The following CSMD1 variants were observed in gnomAD, a reference collection of about 807,000 sequenced individuals.
CSMD1 encodes CUB and sushi domain-containing protein 1.
In CSMD1, 213 loss-of-function variants were observed where a neutral mutation model predicts 417.5. The ratio of observed to expected loss-of-function variants is 0.51; its 90% CI spans 0.46 to 0.57. CSMD1 has a LOEUF of 0.57. CSMD1 is among the 20% of genes least tolerant of loss of function. The pLI, the probability that CSMD1 is intolerant of heterozygous loss-of-function variation, is 0.00. For missense variants in CSMD1, 6,923 were observed against 4,529.7 expected (o/e 1.53, Z -15.17); for synonymous variants, 2,862 against 1,736.8 (o/e 1.65, Z -16.11).
At chr8:3,943,476 A>G (rs1277619805) in intron 5 of CSMD1, among the ~76,000 whole-genome samples, 1 of 151,240 alleles carries the variant, frequency 6.6e-6, no homozygotes, top group Non-Finnish European at 1.5e-5. Flanking sequence ...ATGATCAGTC[A>G]GTGGGTGCTG....
At chr8:3,151,875 T>G (rs1340369818) in intron 39 of CSMD1, among the ~76,000 whole-genome samples, 8 of 152,206 alleles carry the variant, frequency 5.3e-5, no homozygotes, top group African/African-American at 1.9e-4. Flanking sequence ...ATTGATTGAT[T>G]GCTAACTATG....
chr8:3,816,410 A>T (rs1031580923), intron 5 of CSMD1, among the ~76,000 whole-genome samples: 1 of 152,164 alleles, frequency 6.6e-6, no homozygotes, highest in African/African-American at 2.4e-5. Context: ...GACCACATTC[A>T]CATAACTTTT....
intron 3 of CSMD1, among the ~76,000 whole-genome samples, chr8:4,281,533 A>G (rs1207317602): frequency 6.6e-6 from 1 of 152,222 alleles, no homozygotes; most frequent in Non-Finnish European, 1.5e-5. Context: ...AGCTCACATT[A>G]AAGGTCCTTT....
Position 3,223,726 on chromosome 8 carries a change from T to A in CSMD1, c.4484+3A>T. ...AAAAGAGGTATTCTGCAAGAGACGG[T>A]ACCTTTTGAATATCAAGGCGATGAC... On this transcript the variant is annotated splice_donor_region_variant and intron_variant, in intron 28 of 69. Transcript: ENST00000635120. 1 of 1,613,842 alleles carries A rather than the reference T, an allele frequency of 6.2e-7. No homozygotes were observed. Among genetic ancestry groups the A allele is most frequent in the Non-Finnish European group, 8.5e-7 (1 of 1,179,754 alleles).
chr8:4,544,972 T>C (rs1424858409), intron 2 of CSMD1, among the ~76,000 whole-genome samples: 1 of 152,250 alleles, frequency 6.6e-6, no homozygotes, highest in Non-Finnish European at 1.5e-5. Flanking sequence ...ACTTGTTGTC[T>C]ATAAGCATAT....
intron 2 of CSMD1, among the ~76,000 whole-genome samples, chr8:4,555,760 A>C (rs6992457): frequency 0.27 from 40,772 of 152,096 alleles, 5,739 homozygotes; most frequent in African/African-American, 0.37. Context: ...CATTTCAGTT[A>C]ACAAATGCAA....
At chr8:4,114,268 G>C (rs190990870) in intron 3 of CSMD1, among the ~76,000 whole-genome samples, 2 of 152,166 alleles carry the variant, frequency 1.3e-5, no homozygotes, top group Non-Finnish European at 2.9e-5. Flanking sequence ...TAAGAATGAT[G>C]CTAAATGCAC....
intron 7 of CSMD1, among the ~76,000 whole-genome samples, chr8:3,657,804 A>G (rs1024082422): frequency 2.0e-5 from 3 of 152,168 alleles, no homozygotes; most frequent in African/African-American, 7.2e-5. Flanking sequence ...TGTAACAAAC[A>G]TGCACATTCT....
At chr8:4,809,919 A>G (rs1444838146) in intron 1 of CSMD1, among the ~76,000 whole-genome samples, 1 of 152,198 alleles carries the variant, frequency 6.6e-6, no homozygotes, top group Non-Finnish European at 1.5e-5. Context: ...CCACTTACCA[A>G]GTATATTAAC....
In CSMD1 at chr8:4,764,904, C is replaced by CAA. The variant is rs113966698; in HGVS notation, c.86-127348_86-127347dup. Reference sequence around the variant, plus strand: ...AAAAAAAAAAAAAAAACAACAACAACAAAAAAAAACCTTTGCTGAGGATGG... The same window carrying CAA: ...AAAAAAAAAAAAAAAACAACAACAACAAAAAAAAAAACCTTTGCTGAGGATGG... On this transcript the variant is annotated intron_variant, in intron 1 of 69. Transcript: ENST00000635120. Among the ~76,000 whole-genome samples the CAA allele has an allele frequency of 8.6e-4, 105 of 122,652 alleles. 1 individual carries two copies. In the South Asian group the frequency reaches 0.011, roughly 12 times the overall value. 80.5% of individuals were successfully genotyped at this position (122,652 alleles called of 152,430 possible).
chr8:4,518,355 T>G (rs1056093404), intron 2 of CSMD1, among the ~76,000 whole-genome samples: 2 of 152,134 alleles, frequency 1.3e-5, no homozygotes, highest in African/African-American at 2.4e-5. Flanking sequence ...TAAGACAATT[T>G]GTGATTCCTT....
rs1463335150 is a variant in CSMD1, at chr8:4,981,448, G to A, written c.85+12884C>T. ...AAGAGTATAAGGGAGTGTCCTCTCT[G>A]TGCACAACCAAAACCTGATATCATC... is the stretch of plus-strand genomic sequence containing the variant. On this transcript the variant is annotated intron_variant, in intron 1 of 69. Coordinates refer to ENST00000635120, the MANE Select transcript of CSMD1 (RefSeq NM_033225.6). Among the ~76,000 whole-genome samples the A allele has an allele frequency of 2.6e-5, 4 of 152,270 alleles. No individual in the cohort carries two copies. The East Asian group carries it at 7.7e-4, about 29-fold the overall frequency.
intron 3 of CSMD1, among the ~76,000 whole-genome samples, chr8:4,251,182 TA>T (rs1378422981): frequency 6.6e-6 from 1 of 152,070 alleles, no homozygotes; most frequent in Non-Finnish European, 1.5e-5. Context: ...AGGAATATAA[TA>T]GAAAGTGAAC....
At chr8:4,765,994 G>T (rs1051028626) in intron 1 of CSMD1, among the ~76,000 whole-genome samples, 3 of 152,132 alleles carry the variant, frequency 2.0e-5, no homozygotes, top group Admixed American at 6.5e-5. Context: ...GTATTACATA[G>T]TTTGGCATTC....
intron 3 of CSMD1, among the ~76,000 whole-genome samples, chr8:4,209,400 G>C (rs1585027290): frequency 6.6e-6 from 1 of 152,140 alleles, no homozygotes; most frequent in South Asian, 2.1e-4. Context: ...AGACTCTCCA[G>C]GGTTCCTGTG....
At chr8:3,753,399 C>G (rs1007984207) in intron 6 of CSMD1, among the ~76,000 whole-genome samples, 1 of 152,124 alleles carries the variant, frequency 6.6e-6, no homozygotes, top group Non-Finnish European at 1.5e-5. Flanking sequence ...CATTTCATTA[C>G]CAAGCTCTGT....
intron 1 of CSMD1, among the ~76,000 whole-genome samples, chr8:4,713,495 G>A (rs1043603919): frequency 1.3e-5 from 2 of 152,006 alleles, no homozygotes; most frequent in Non-Finnish European, 2.9e-5. Context: ...TCCGCCTCCC[G>A]GGTTCCAGTG....
At chr8:4,165,755 C>T (rs116362203) in intron 3 of CSMD1, among the ~76,000 whole-genome samples, 1 of 152,172 alleles carries the variant, frequency 6.6e-6, no homozygotes, top group Non-Finnish European at 1.5e-5. Context: ...TCATTTCTTC[C>T]TGGTCATGCC....
intron 3 of CSMD1, among the ~76,000 whole-genome samples, chr8:4,092,671 G>A (rs1179667815): frequency 2.6e-5 from 4 of 151,964 alleles, no homozygotes; most frequent in African/African-American, 7.3e-5. Context: ...AATTCAGTAG[G>A]TCCTTTTTCT....
Sources: allele counts gnomAD v4.1 joint callset (sites outside exome capture counted in the v4.1 genomes callset), GRCh38; gene constraint gnomAD v4.1.1; transcripts MANE v1.5; gene names NCBI Gene and HGNC (gene_info 2026-07-23, HGNC 2026-07-21).